Variants in MALRD1 observed in about 807,000 individuals in gnomAD.
The protein encoded by MALRD1 is MAM and LDL-receptor class A domain-containing protein 1.
In MALRD1, 247 loss-of-function variants were observed where a neutral mutation model predicts 242.1. The observed-to-expected ratio is 1.02, with a 90% CI of 0.92 to 1.13. The LOEUF (loss-of-function observed/expected upper bound fraction) is 1.13. Ranked by LOEUF, MALRD1 falls within the 50% of genes most tolerant of loss-of-function variation. The pLI is 0.00. For synonymous variants in MALRD1, 995 were observed against 866.6 expected (o/e 1.15, Z -2.60); for missense variants, 2,989 against 2,533.1 (o/e 1.18, Z -3.86).
chr10:19,695,457 G>A (rs1172784667), intron 38 of MALRD1, among the ~76,000 whole-genome samples: 1 of 151,630 alleles, frequency 6.6e-6, no homozygotes, highest in Non-Finnish European at 1.5e-5. Context: ...AGTTTCATAT[G>A]GCTGGGGAGG....
intron 1 of MALRD1, among the ~76,000 whole-genome samples, chr10:19,063,919 T>G (rs1834896153): frequency 6.6e-6 from 1 of 152,126 alleles, no homozygotes; most frequent in Middle Eastern, 3.4e-3. Context: ...ATTGTGCACA[T>G]GTACCCTAAA....
At chr10:19,401,637 A>G (rs1396112317) in intron 28 of MALRD1, among the ~76,000 whole-genome samples, 1 of 152,168 alleles carries the variant, frequency 6.6e-6, no homozygotes, top group Non-Finnish European at 1.5e-5. Context: ...GGACATAAGG[A>G]TAGGTAAAAT....
chr10:19,549,979 A>G (rs1257172865), intron 32 of MALRD1, among the ~76,000 whole-genome samples: 1 of 152,192 alleles, frequency 6.6e-6, no homozygotes, highest in Non-Finnish European at 1.5e-5. Context: ...ATCACAAATA[A>G]TCACCAACCA....
chr10:19,139,849 A>T lies in MALRD1; in HGVS notation c.1411+3068A>T. On this transcript the variant is annotated intron_variant, in intron 10 of 39. Coordinates refer to ENST00000454679, the MANE Select transcript of MALRD1 (RefSeq NM_001142308.3). The stretch of plus-strand genomic sequence containing the variant: ...CAAAAGCTACATGGAACAAGGTCCC[A>T]GGTGACTTGTCTGCATATGAAACTT... Among the ~76,000 whole-genome samples the T allele has an allele frequency of 1.3e-5, 2 of 152,218 alleles. 1 individual carries two copies. Among genetic ancestry groups the T allele is most frequent in the East Asian group, 3.8e-4 (2 of 5,198 alleles).
intron 23 of MALRD1, among the ~76,000 whole-genome samples, chr10:19,328,868 C>T (rs1429460562): frequency 6.6e-6 from 1 of 152,144 alleles, no homozygotes; most frequent in African/African-American, 2.4e-5. Context: ...AACTGTTCAG[C>T]CTCTCAGGTC....
At chr10:19,197,354 T>G (rs1588684360) in intron 14 of MALRD1, among the ~76,000 whole-genome samples, 1 of 91,178 alleles carries the variant, frequency 1.1e-5, no homozygotes, top group South Asian at 6.8e-4. Flanking sequence ...TTCCCCTTCC[T>G]TTTTTGTCCT....
intron 36 of MALRD1, among the ~76,000 whole-genome samples, chr10:19,664,934 G>A (rs1437921807): frequency 6.6e-6 from 1 of 151,910 alleles, no homozygotes; most frequent in African/African-American, 2.4e-5. Flanking sequence ...AAAAATTTAG[G>A]TTTAAACCAA....
intron 21 of MALRD1, among the ~76,000 whole-genome samples, chr10:19,300,636 C>T (rs1054694865): frequency 2.0e-5 from 3 of 151,898 alleles, no homozygotes; most frequent in Non-Finnish European, 2.9e-5. Flanking sequence ...ATAAACAATG[C>T]TGGGATAACT....
At position 19,412,933 on chromosome 10, in the gene MALRD1, A is replaced by C. The variant is rs148193200; in HGVS notation, c.4845+23324A>C. On this transcript the variant is annotated intron_variant, in intron 28 of 39. Transcript: ENST00000454679. Reference sequence around the variant, plus strand: ...AAAGTTATTACTATGTAGATCAAACATTTTATTTTACAAAGAAAGAAAGAA... The same window carrying C: ...AAAGTTATTACTATGTAGATCAAACCTTTTATTTTACAAAGAAAGAAAGAA... Among the ~76,000 whole-genome samples, 813 of 152,304 alleles carry C rather than the reference A, an allele frequency of 5.3e-3. 12 individuals are homozygous for C. Among genetic ancestry groups the C allele is most frequent in the African/African-American group, 0.019 (775 of 41,584 alleles).
At chr10:19,531,498 C>T (rs1834416096) in intron 32 of MALRD1, 147 bp downstream of exon 32, 1 of 769,642 alleles carries the variant, frequency 1.3e-6, no homozygotes, top group East Asian at 2.9e-5. Context: ...GGCAGTGGGA[C>T]TTTGGCAAGC....
chr10:19,634,503 G>A (rs374287567), intron 36 of MALRD1, among the ~76,000 whole-genome samples: 4 of 152,214 alleles, frequency 2.6e-5, no homozygotes, highest in South Asian at 4.2e-4. Context: ...TTCAAGTGTA[G>A]CAGGTTTAAA....
At chr10:19,246,512 C>T (rs1049006976) in intron 18 of MALRD1, among the ~76,000 whole-genome samples, 6 of 152,066 alleles carry the variant, frequency 3.9e-5, no homozygotes, top group East Asian at 1.9e-4. Context: ...GAATTTCTGA[C>T]CTAATGCTTT....
chr10:19,193,841 A>AATATAT (rs55923609), intron 14 of MALRD1, among the ~76,000 whole-genome samples: 1 of 149,744 alleles, frequency 6.7e-6, no homozygotes, highest in South Asian at 2.1e-4. Context: ...GGGGAAAAAA[A>AATATAT]ATATATATAT....
intron 31 of MALRD1, among the ~76,000 whole-genome samples, chr10:19,500,006 G>T (rs1473484628): frequency 3.3e-5 from 5 of 152,062 alleles, no homozygotes; most frequent in African/African-American, 4.8e-5. Flanking sequence ...TGGTGGATTT[G>T]GTTTTCAAGT....
rs546285318 is a variant in MALRD1, at chr10:19,086,673, G to A, written c.341-1167G>A. On this transcript the variant is annotated intron_variant, in intron 2 of 39. Transcript: ENST00000454679. ...AATGATCTCTTCTAAAGCTGTACGA[G>A]TTGAAGAAGGAAGAAAGAAACATGA... Among the ~76,000 whole-genome samples the A allele has an allele frequency of 9.2e-5, 14 of 152,200 alleles. 1 individual carries two copies. In the South Asian group the frequency reaches 2.9e-3, roughly 32 times the overall value.
intron 4 of MALRD1, among the ~76,000 whole-genome samples, chr10:19,088,585 A>T (rs1165448426): frequency 0.053 from 3,854 of 73,166 alleles, 120 homozygotes; most frequent in African/African-American, 0.16. Context: ...TTATTTATTT[A>T]TTTATTTTTT....
At chr10:19,217,032 T>C (rs1837351229) in intron 18 of MALRD1, among the ~76,000 whole-genome samples, 1 of 152,198 alleles carries the variant, frequency 6.6e-6, no homozygotes, top group Non-Finnish European at 1.5e-5. Context: ...CGTTCTTTCT[T>C]CTAAATGATT....
chr10:19,574,235 C>G (rs973926196), intron 33 of MALRD1, among the ~76,000 whole-genome samples: 4 of 152,148 alleles, frequency 2.6e-5, no homozygotes, highest in African/African-American at 9.7e-5. Context: ...ATCTCTTAAG[C>G]ATAAATTATT....
intron 32 of MALRD1, among the ~76,000 whole-genome samples, chr10:19,541,862 T>C (rs149169076): frequency 6.6e-6 from 1 of 152,300 alleles, no homozygotes; most frequent in African/African-American, 2.4e-5. Context: ...GTATCTTCCA[T>C]TGTGAATAAT....
Sources: allele counts gnomAD v4.1 joint callset (sites outside exome capture counted in the v4.1 genomes callset), GRCh38; gene constraint gnomAD v4.1.1; transcripts MANE v1.5; gene names NCBI Gene and HGNC (gene_info 2026-07-23, HGNC 2026-07-21).